ZNF148: variants seen among roughly 807,000 people sequenced by gnomAD.
The protein encoded by ZNF148 is Beta-Enolase Repressor Factor-1.
ZNF148 carries 7 observed loss-of-function variants against 67.7 expected under a neutral mutation model. The ratio of observed to expected loss-of-function variants is 0.10; its 90% CI spans 0.06 to 0.19. The LOEUF is 0.19. Among genes scored for constraint, ZNF148 ranks in the 10% least tolerant of loss-of-function variants. The probability of loss-of-function intolerance (pLI) is 1.00; values close to 1 mark genes in which losing one functional copy is unlikely to be tolerated. For missense variants in ZNF148, 583 were observed against 947.1 expected, an observed-to-expected ratio of 0.62 and a Z score of 5.05; for synonymous variants, 333 against 330.7, an observed-to-expected ratio of 1.01 and a Z score of -0.08.
intron 2 of ZNF148, among the ~76,000 whole-genome samples, chr3:125,330,000 T>C (rs1055711091): frequency 6.6e-6 from 1 of 152,176 alleles, no homozygotes; most frequent in Non-Finnish European, 1.5e-5. Context: ...GAAAGCCTTT[T>C]TTCGATGTTA....
chr3:125,280,847 G>A (rs1461698073), intron 5 of ZNF148, among the ~76,000 whole-genome samples: 1 of 151,372 alleles, frequency 6.6e-6, no homozygotes, highest in Non-Finnish European at 1.5e-5. Flanking sequence ...CAGTGAGAGG[G>A]AAACAATGCT....
chr3:125,288,609 A>G (rs1258542585), intron 4 of ZNF148, among the ~76,000 whole-genome samples: 1 of 152,154 alleles, frequency 6.6e-6, no homozygotes. Context: ...TCCAAAATTC[A>G]ACACAATACT....
chr3:125,295,974 G>T (rs377040730), intron 4 of ZNF148, among the ~76,000 whole-genome samples: 1 of 151,750 alleles, frequency 6.6e-6, no homozygotes, highest in Non-Finnish European at 1.5e-5. Flanking sequence ...ATACACAAAG[G>T]ATTAGCAATT....
intron 3 of ZNF148, among the ~76,000 whole-genome samples, chr3:125,321,128 A>C (rs1247482800): frequency 6.6e-6 from 1 of 152,134 alleles, no homozygotes; most frequent in Non-Finnish European, 1.5e-5. Context: ...ACATTCAAAG[A>C]CCTCTTCAGA....
chr3:125,298,004 TA>T (rs1238113437), intron 4 of ZNF148, among the ~76,000 whole-genome samples: 1 of 152,296 alleles, frequency 6.6e-6, no homozygotes, highest in East Asian at 1.9e-4. Context: ...CTGATGATTC[TA>T]CAGAAATTAC....
chr3:125,331,291 T>C lies in ZNF148; in HGVS notation c.-233-53A>G, dbSNP rs113554901. On this transcript the variant is annotated intron_variant, in intron 1 of 8. Transcript: ENST00000360647. ...CCCCCAAAAGAATCAGGATTAAACATAGTCTTAAAGAAGTCAGGTAAAACT... is the reference window on the plus strand; with the variant it reads ...CCCCCAAAAGAATCAGGATTAAACACAGTCTTAAAGAAGTCAGGTAAAACT... 677 of 398,274 alleles carry C rather than the reference T, an allele frequency of 1.7e-3. 6 individuals are homozygous for C. Among genetic ancestry groups the C allele is most frequent in the African/African-American group, 0.013 (613 of 48,736 alleles). 24.7% of individuals were successfully genotyped at this position (398,274 alleles called of 1,614,324 possible). A position where few individuals can be genotyped will look rare whatever the true frequency, so the allele number is the denominator to read the frequency against.
chr3:125,358,011 G>GTAACA (rs1396409835), intron 1 of ZNF148, among the ~76,000 whole-genome samples: 1 of 152,062 alleles, frequency 6.6e-6, no homozygotes, highest in Non-Finnish European at 1.5e-5. Context: ...AATACTTGAA[G>GTAACA]TAACAAGCTT....
intron 7 of ZNF148, among the ~76,000 whole-genome samples, chr3:125,234,782 T>C (rs966202557): frequency 6.6e-6 from 1 of 152,142 alleles, no homozygotes; most frequent in Non-Finnish European, 1.5e-5. Context: ...CCTGAAAATA[T>C]CCTTTAAAAT....
chr3:125,336,287 A>G (rs1029686745), intron 1 of ZNF148, among the ~76,000 whole-genome samples: 1 of 152,240 alleles, frequency 6.6e-6, no homozygotes, highest in African/African-American at 2.4e-5. Flanking sequence ...GTCCTTTAGC[A>G]TCTTTTAACT....
chr3:125,351,333 C>T (rs573372136), intron 1 of ZNF148, among the ~76,000 whole-genome samples: 20 of 140,284 alleles, frequency 1.4e-4, no homozygotes, highest in Admixed American at 5.3e-4. Context: ...AATCTGTTAC[C>T]GTGCCACCGC....
chr3:125,257,845 C>T (rs369413585), intron 7 of ZNF148, among the ~76,000 whole-genome samples: 21 of 152,298 alleles, frequency 1.4e-4, no homozygotes, highest in East Asian at 1.3e-3. Context: ...TCCTCCTCTT[C>T]TGAAAACTGC....
intron 8 of ZNF148, 84 bp downstream of exon 8, chr3:125,234,127 T>C: frequency 8.1e-7 from 1 of 1,230,444 alleles, no homozygotes; most frequent in Non-Finnish European, 1.1e-6. Context: ...CTTAAATAGC[T>C]CTAAGTTGTA....
At chr3:125,288,348 A>ATG (rs1938816469) in intron 4 of ZNF148, 120 bp from the exon 5 acceptor site, 1 of 1,037,704 alleles carries the variant, frequency 9.6e-7, no homozygotes, top group East Asian at 2.6e-5. Context: ...ATGATGATCT[A>ATG]TGTGTGTGTG....
rs1321202446 is a variant in ZNF148, at chr3:125,233,436, C to T, written c.1290G>A (p.Val430=). 1.2e-6 allele frequency: 2 copies of T among 1,613,930 alleles called. No individual in the cohort carries two copies. Among genetic ancestry groups the T allele is most frequent in the Admixed American group, 1.7e-5 (1 of 59,950 alleles). ...SKVSKYAFEL[V]DKQALLDSEG... ...CTGAGTCCAGTAAAGCCTGTTTATC[C>T]ACAAGTTCAAAAGCATACTTTGAAA... Residue 430 remains valine, a synonymous_variant, in exon 9 of 9, where the codon GTG becomes GTA. Transcript: ENST00000360647. This position sits in a 1 kb window ranked among gnomAD's most constrained non-coding sequence, Gnocchi z 5.1.
In ZNF148 at chr3:125,226,614, T is replaced by C. The variant is rs151092853; in HGVS notation, c.*5727A>G. On this transcript the variant is annotated 3_prime_UTR_variant, in exon 9 of 9. Transcript: ENST00000360647. ...GTTTAAAGAACATCTCTATGTTCCA[T>C]GACTATGCATGAAACAAGCTGTCAC... 46 of 152,762 alleles carry C rather than the reference T, an allele frequency of 3.0e-4. 1 individual carries two copies. The highest frequency in any genetic ancestry group is 1.0e-3 in the African/African-American group (42 of 41,578). The allele number at this position is 152,762 out of a possible 1,614,324, so 9.5% of individuals were successfully genotyped here.
intron 4 of ZNF148, among the ~76,000 whole-genome samples, chr3:125,310,227 A>G (rs959018334): frequency 2.6e-5 from 4 of 151,892 alleles, no homozygotes; most frequent in Admixed American, 2.6e-4. Context: ...TTACAGGTGC[A>G]TGCCACCATG....
chr3:125,280,298 T>C (rs901181320), intron 5 of ZNF148, among the ~76,000 whole-genome samples: 4 of 152,042 alleles, frequency 2.6e-5, no homozygotes, highest in Non-Finnish European at 1.5e-5. Flanking sequence ...TTAAGAGTAT[T>C]GCAAGCCTGG....
intron 7 of ZNF148, among the ~76,000 whole-genome samples, chr3:125,258,419 T>C (rs1394853995): frequency 8.1e-5 from 2 of 24,590 alleles, no homozygotes; most frequent in African/African-American, 2.5e-4. Context: ...TGAGACTCCA[T>C]CTCAAAAAAA....
At chr3:125,297,583 T>C (rs12330741) in intron 4 of ZNF148, among the ~76,000 whole-genome samples, 12,640 of 151,054 alleles carry the variant, frequency 0.084, 753 homozygotes, top group Non-Finnish European at 0.099. Flanking sequence ...TACTAGAAAA[T>C]TAAGCAAAAG....
Sources: gnomAD v4.1 joint callset for allele counts (sites outside exome capture counted in the v4.1 genomes callset) on GRCh38, gnomAD v4.1.1 for gene constraint, Gnocchi (gnomAD v3.1) non-coding constraint, MANE v1.5 for transcripts, NCBI Gene and HGNC (gene_info 2026-07-23, HGNC 2026-07-21) for gene names.